NAV2: variants seen among roughly 807,000 people sequenced by gnomAD.
NAV2 encodes neuron navigator 2.
NAV2 carries 54 observed loss-of-function variants against 223.2 expected under a neutral mutation model. That is an observed-to-expected ratio of 0.24 (90% CI 0.19 to 0.30). The LOEUF (loss-of-function observed/expected upper bound fraction) is 0.30. Ranked by LOEUF, NAV2 falls within the 10% of genes least tolerant of loss-of-function variation. NAV2 has a pLI of 1.00. For synonymous variants in NAV2, 1,279 were observed against 1,239.3 expected, an observed-to-expected ratio of 1.03 and a Z score of -0.67; for missense variants, 2,806 against 3,147.5, an observed-to-expected ratio of 0.89 and a Z score of 2.60.
intron 1 of NAV2, among the ~76,000 whole-genome samples, chr11:19,433,319 G>T (rs1309341574): frequency 6.6e-6 from 1 of 152,116 alleles, no homozygotes; most frequent in Non-Finnish European, 1.5e-5. Context: ...ATCAAAGAGG[G>T]CAAGCAGAAC....
At chr11:19,412,963 T>A (rs1850209592) in intron 1 of NAV2, among the ~76,000 whole-genome samples, 2 of 152,122 alleles carry the variant, frequency 1.3e-5, no homozygotes, top group South Asian at 4.1e-4. Flanking sequence ...TCCATGAAGA[T>A]GAGGAAAAAC....
At chr11:19,917,643 C>T (rs926755149) in intron 6 of NAV2, among the ~76,000 whole-genome samples, 78 of 152,326 alleles carry the variant, frequency 5.1e-4, no homozygotes, top group African/African-American at 1.8e-3. Flanking sequence ...GAGACAGTCT[C>T]ACTCTGTCAC....
chr11:19,793,377 TCTTAA>T (rs1397059213), intron 1 of NAV2, among the ~76,000 whole-genome samples: 1 of 152,212 alleles, frequency 6.6e-6, no homozygotes, highest in Non-Finnish European at 1.5e-5. Flanking sequence ...TGTATACTTG[TCTTAA>T]CTTTTATGAT....
chr11:19,507,282 C>T (rs1301397068), intron 1 of NAV2: 1 of 152,160 alleles, frequency 6.6e-6, no homozygotes, highest in African/African-American at 2.4e-5. Flanking sequence ...GCCATGGTGA[C>T]TGGCAGGGCC....
At chr11:19,646,745 C>T (rs890138) in intron 1 of NAV2, among the ~76,000 whole-genome samples, 131,580 of 152,176 alleles carry the variant, frequency 0.86, 58,026 homozygotes, top group Middle Eastern at 0.96. Flanking sequence ...AAACCTTTCA[C>T]CTTATCAACA....
intron 28 of NAV2, among the ~76,000 whole-genome samples, chr11:20,092,657 A>G (rs1311352388): frequency 6.6e-6 from 1 of 152,106 alleles, no homozygotes; most frequent in Non-Finnish European, 1.5e-5. Flanking sequence ...GCTGACCTGC[A>G]AGCTGAATGC....
At chr11:20,102,168 G>A (rs1038744245) in intron 32 of NAV2, among the ~76,000 whole-genome samples, 12 of 152,084 alleles carry the variant, frequency 7.9e-5, no homozygotes, top group Admixed American at 1.3e-4. Context: ...TGAAGGCTCC[G>A]CAGGCATGGG....
At chr11:19,880,318 T>C (rs1402933963) in intron 5 of NAV2, among the ~76,000 whole-genome samples, 191 bp downstream of exon 5, 1 of 152,188 alleles carries the variant, frequency 6.6e-6, no homozygotes, top group African/African-American at 2.4e-5. Flanking sequence ...CTGGCAGAGA[T>C]GTATACTTTT....
chr11:19,576,919 T>C (rs1386864960), intron 1 of NAV2, among the ~76,000 whole-genome samples: 5 of 152,082 alleles, frequency 3.3e-5, no homozygotes, highest in Non-Finnish European at 7.4e-5. Context: ...GGCTGAGTGG[T>C]GCTGGTTATA....
intron 1 of NAV2, among the ~76,000 whole-genome samples, chr11:19,605,684 C>G (rs1273258157): frequency 6.6e-6 from 1 of 152,148 alleles, no homozygotes; most frequent in African/African-American, 2.4e-5. Flanking sequence ...GGCAGCCGCA[C>G]TGCCTCCTGG....
At chr11:19,505,654 C>G (rs918895659) in intron 1 of NAV2, 1 of 152,214 alleles carries the variant, frequency 6.6e-6, no homozygotes, top group Admixed American at 6.5e-5. Context: ...GCCATTCCTA[C>G]AGCAGTTGGA....
At chr11:19,978,197 C>T (rs1201474675) in intron 10 of NAV2, among the ~76,000 whole-genome samples, 1 of 152,018 alleles carries the variant, frequency 6.6e-6, no homozygotes, top group East Asian at 1.9e-4. Flanking sequence ...TCCTACGACC[C>T]GGAGTGAAGT....
intron 2 of NAV2, among the ~76,000 whole-genome samples, chr11:19,841,032 G>A (rs1024796472): frequency 6.6e-6 from 1 of 152,168 alleles, no homozygotes; most frequent in African/African-American, 2.4e-5. Context: ...TCTTGTTTGT[G>A]CTTTTCATGG....
intron 1 of NAV2, among the ~76,000 whole-genome samples, chr11:19,465,048 C>T (rs1393585398): frequency 2.0e-5 from 3 of 152,164 alleles, no homozygotes; most frequent in African/African-American, 4.8e-5. Flanking sequence ...GAAGGGGCTC[C>T]TATGCAGTAG....
intron 1 of NAV2, among the ~76,000 whole-genome samples, chr11:19,622,383 G>A (rs7108173): frequency 0.86 from 130,716 of 152,032 alleles, 58,853 homozygotes; most frequent in Non-Finnish European, 0.98. Context: ...ATTATTGTGT[G>A]GGAGTCTAAG....
chr11:19,461,868 C>T (rs894315698), intron 1 of NAV2, among the ~76,000 whole-genome samples: 9 of 152,194 alleles, frequency 5.9e-5, no homozygotes, highest in East Asian at 1.9e-4. Flanking sequence ...TGCAGTGGCG[C>T]GATCTCGCCT....
At chr11:19,351,802 TAAAAAAAAAAAA>T (rs56030401) in intron 1 of NAV2, among the ~76,000 whole-genome samples, 7 of 114,676 alleles carry the variant, frequency 6.1e-5, no homozygotes, top group South Asian at 3.3e-4. Context: ...TTGTGTATGG[TAAAAAAAAAAAA>T]AAAAAAAAAA....
intron 11 of NAV2, among the ~76,000 whole-genome samples, chr11:20,009,387 G>A (rs1381612077): frequency 1.3e-5 from 2 of 152,156 alleles, no homozygotes; most frequent in Admixed American, 6.5e-5. Flanking sequence ...GCAGGTGCTC[G>A]TTGAACTCAA....
chr11:19,840,917 A>G (rs932262894), intron 2 of NAV2, among the ~76,000 whole-genome samples: 21 of 152,190 alleles, frequency 1.4e-4, no homozygotes, highest in African/African-American at 5.1e-4. Flanking sequence ...GCAGATAAGA[A>G]TCTCTATTCT....
Sources: gnomAD v4.1 joint callset for allele counts (sites outside exome capture counted in the v4.1 genomes callset) on GRCh38, gnomAD v4.1.1 for gene constraint, MANE v1.5 for transcripts, NCBI Gene and HGNC (gene_info 2026-07-23, HGNC 2026-07-21) for gene names.